The following EYA2 variants were observed in gnomAD, a reference collection of about 807,000 sequenced individuals.
EYA2 encodes the protein EYA transcriptional coactivator and phosphatase 2.
EYA2 carries 31 observed loss-of-function variants against 69.2 expected under a neutral mutation model. The ratio of observed to expected loss-of-function variants is 0.45; its 90% confidence interval spans 0.34 to 0.60. The LOEUF (loss-of-function observed/expected upper bound fraction) is 0.60. EYA2 is among the 20% of genes least tolerant of loss of function. The pLI is 0.02. For missense variants in EYA2, 622 were observed against 701.2 expected, an observed-to-expected ratio of 0.89 and a Z score of 1.28; for synonymous variants, 257 against 279.4, an observed-to-expected ratio of 0.92 and a Z score of 0.80.
intron 5 of EYA2, among the ~76,000 whole-genome samples, chr20:47,043,849 A>G (rs978048908): frequency 2.0e-5 from 3 of 152,218 alleles, no homozygotes; most frequent in Non-Finnish European, 2.9e-5. Flanking sequence ...TTCCCAATCA[A>G]TGTTGAGCAG....
intron 10 of EYA2, among the ~76,000 whole-genome samples, chr20:47,166,369 C>T (rs1397398844): frequency 2.7e-5 from 3 of 111,848 alleles, no homozygotes; most frequent in Non-Finnish European, 5.0e-5. Flanking sequence ...TGCACTCCAG[C>T]TTGGGTGACA....
Position 47,016,184 on chromosome 20 carries a change from T to A in EYA2, c.302T>A (p.Ile101Asn), listed in dbSNP as rs1012662634. Residue 101 changes from isoleucine (I) to asparagine (N), a missense_variant, in exon 5 of 16, where the codon ATC (isoleucine) becomes AAC (asparagine). Physicochemically the swap from Ile to Asn is moderately radical, Grantham distance 149. This residue lies in a region of EYA2 where 365 missense variants were observed against 349.7 expected (regional missense o/e 1.04). Coordinates refer to ENST00000327619, the MANE Select transcript of EYA2 (RefSeq NM_005244.5). ...AQAYGIPSYS[I>N]KTEDSLNHSP... ...TTTTCCCCCTCTTCCTTCAAAGGCA[T>A]CAAGACAGAAGACAGCTTGAACCAT... 1 of 1,613,328 alleles carries A rather than the reference T, an allele frequency of 6.2e-7. No homozygotes were observed. The highest frequency in any genetic ancestry group is 8.5e-7 in the Non-Finnish European group (1 of 1,179,288).
At chr20:47,010,078 A>G (rs1294474465) in intron 4 of EYA2, among the ~76,000 whole-genome samples, 1 of 152,184 alleles carries the variant, frequency 6.6e-6, no homozygotes, top group Admixed American at 6.5e-5. Context: ...TTTGTTTCTC[A>G]TTACATAGGA....
chr20:46,899,166 A>G (rs1983967736), intron 1 of EYA2, among the ~76,000 whole-genome samples: 1 of 152,174 alleles, frequency 6.6e-6, no homozygotes, highest in Non-Finnish European at 1.5e-5. Context: ...AATGAAATCT[A>G]CGCTTTTGCT....
Position 47,089,168 on chromosome 20 carries a change from T to C in EYA2, c.662-71T>C, listed in dbSNP as rs2031990827. 3 of 1,569,548 alleles carry C rather than the reference T, an allele frequency of 1.9e-6. No individual in the cohort carries two copies. The Admixed American group carries it at 5.2e-5, about 27-fold the overall frequency. On this transcript the variant is annotated intron_variant, in intron 7 of 15. Coordinates refer to ENST00000327619, the MANE Select transcript of EYA2 (RefSeq NM_005244.5). ...ACTGCTTTGGAGCTAGACGGTGCTG[T>C]TGGGATATTTCCCAGGAGGAGACAC...
intron 5 of EYA2, among the ~76,000 whole-genome samples, chr20:47,048,107 T>C (rs972115906): frequency 1.1e-4 from 16 of 152,238 alleles, no homozygotes; most frequent in Non-Finnish European, 2.2e-4. Flanking sequence ...ACTCGACTTA[T>C]TCACAAATTC....
At chr20:47,186,175 C>A (rs1306227947) in intron 15 of EYA2, among the ~76,000 whole-genome samples, 2 of 152,028 alleles carry the variant, frequency 1.3e-5, no homozygotes, top group African/African-American at 4.8e-5. Context: ...TATTTCTTAT[C>A]TGTGGGTTTA....
intron 10 of EYA2, among the ~76,000 whole-genome samples, chr20:47,156,062 A>C (rs1460728244): frequency 1.2e-5 from 1 of 82,036 alleles, no homozygotes; most frequent in African/African-American, 7.3e-5. Context: ...ATATATATAC[A>C]TACACACACA....
chr20:47,076,245 A>G (rs947740517), intron 7 of EYA2, among the ~76,000 whole-genome samples: 1 of 152,246 alleles, frequency 6.6e-6, no homozygotes, highest in African/African-American at 2.4e-5. Flanking sequence ...ATATATCCAA[A>G]TGGTAGTTTC....
intron 5 of EYA2, among the ~76,000 whole-genome samples, chr20:47,039,300 A>C (rs1457229433): frequency 6.6e-6 from 1 of 152,218 alleles, no homozygotes; most frequent in Non-Finnish European, 1.5e-5. Context: ...CAAAAGAAGA[A>C]TAATATTTCA....
chr20:47,093,470 G>A (rs2032148864), intron 8 of EYA2, among the ~76,000 whole-genome samples: 1 of 152,252 alleles, frequency 6.6e-6, no homozygotes, highest in African/African-American at 2.4e-5. Context: ...TATCTCGGCT[G>A]TCTGCTTCAG....
intron 5 of EYA2, among the ~76,000 whole-genome samples, chr20:47,067,276 C>T (rs2031147574): frequency 6.6e-6 from 1 of 152,052 alleles, no homozygotes; most frequent in East Asian, 1.9e-4. Flanking sequence ...TAAGCTTTTG[C>T]AAGTAGGGTC....
At chr20:46,907,793 G>A (rs769633216) in intron 1 of EYA2, among the ~76,000 whole-genome samples, 1 of 152,036 alleles carries the variant, frequency 6.6e-6, no homozygotes, top group African/African-American at 2.4e-5. Flanking sequence ...GAGCCGAGAT[G>A]GTGCCACTGC....
At chr20:47,036,163 A>C (rs555916709) in intron 5 of EYA2, among the ~76,000 whole-genome samples, 8 of 152,332 alleles carry the variant, frequency 5.3e-5, no homozygotes, top group Non-Finnish European at 1.0e-4. Context: ...TGAGACTCCA[A>C]GGGAGGAAGC....
chr20:46,967,239 T>G (rs1276038768), intron 1 of EYA2, among the ~76,000 whole-genome samples: 3 of 152,228 alleles, frequency 2.0e-5, no homozygotes, highest in African/African-American at 4.8e-5. Flanking sequence ...TGACCTCAAG[T>G]GATCCGCCCA....
At chr20:46,920,625 C>T (rs1985136775) in intron 1 of EYA2, among the ~76,000 whole-genome samples, 1 of 152,196 alleles carries the variant, frequency 6.6e-6, no homozygotes, top group African/African-American at 2.4e-5. Context: ...TTATCAGGTC[C>T]ATTGGGGAAA....
intron 10 of EYA2, among the ~76,000 whole-genome samples, chr20:47,162,517 C>CTTTTTT (rs10634442): frequency 0.01 from 1,248 of 121,498 alleles, 45 homozygotes; most frequent in African/African-American, 0.037. Context: ...ACACATTATC[C>CTTTTTT]TTTTTTTTTT....
At chr20:47,002,496 G>C (rs1024484657) in intron 3 of EYA2, among the ~76,000 whole-genome samples, 1 of 152,136 alleles carries the variant, frequency 6.6e-6, no homozygotes, top group South Asian at 2.1e-4. Context: ...TGAGGATAAG[G>C]GTTTCCAGCT....
chr20:46,918,544 C>T (rs992179778), intron 1 of EYA2, among the ~76,000 whole-genome samples: 1 of 152,080 alleles, frequency 6.6e-6, no homozygotes, highest in African/African-American at 2.4e-5. Flanking sequence ...CGCACTCAGG[C>T]GATCCATCCA....
Sources: allele counts gnomAD v4.1 joint callset (sites outside exome capture counted in the v4.1 genomes callset), GRCh38; gene constraint gnomAD v4.1.1; regional missense constraint gnomAD v4.1.1; transcripts MANE v1.5; gene names NCBI Gene and HGNC (gene_info 2026-07-23, HGNC 2026-07-21).